TRPC7: variants seen among roughly 807,000 people sequenced by gnomAD.
TRPC7 encodes short transient receptor potential channel 7.
A neutral mutation model predicts 90.1 loss-of-function variants in TRPC7; 42 were observed. The ratio of observed to expected loss-of-function variants is 0.47; its 90% confidence interval spans 0.36 to 0.60. TRPC7 has a LOEUF of 0.60. TRPC7 is among the 20% of genes least tolerant of loss of function. The pLI, the probability that TRPC7 is intolerant of heterozygous loss-of-function variation, is 0.00. For missense variants in TRPC7, 955 were observed against 1,112.3 expected (o/e 0.86, Z 2.01); for synonymous variants, 451 against 436.3 (o/e 1.03, Z -0.42).
At position 136,252,808 on chromosome 5, in the gene TRPC7, C is replaced by T. The variant is rs1376997800; in HGVS notation, c.1346-926G>A. ...AGGAGCTGGAGCTCAGGAAGTAATG[C>T]TGGCTTGCCCACCGCTTACCTCCTG... is the stretch of plus-strand genomic sequence containing the variant. On this transcript the variant is annotated intron_variant, in intron 5 of 11. Transcript: ENST00000513104. Among the ~76,000 whole-genome samples the T allele has an allele frequency of 2.0e-5, 3 of 152,214 alleles. No individual in the cohort carries two copies. The East Asian group carries it at 5.8e-4, about 29-fold the overall frequency.
chr5:136,238,981 T>A (rs758589518), intron 7 of TRPC7, among the ~76,000 whole-genome samples: 2 of 152,098 alleles, frequency 1.3e-5, no homozygotes, highest in African/African-American at 4.8e-5. Context: ...TTTTGACACA[T>A]AAAGGTCATT....
chr5:136,273,084 G>T (rs1317307093), intron 4 of TRPC7, among the ~76,000 whole-genome samples: 1 of 152,212 alleles, frequency 6.6e-6, no homozygotes, highest in Non-Finnish European at 1.5e-5. Flanking sequence ...TAGCTTTGCA[G>T]CAAAAGTGAG....
At position 136,352,012 on chromosome 5, in the gene TRPC7, C is replaced by T. The variant is rs137917063; in HGVS notation, c.780+4596G>A. ...GGATAAATTGCCTGTGACTGAAACA[C>T]CATCGACAGCCTCCGTGCTATTTTG... On this transcript the variant is annotated intron_variant, in intron 2 of 11. Transcript: ENST00000513104. 3.4e-3 allele frequency among the ~76,000 whole-genome samples: 517 copies of T among 152,232 alleles called. 1 individual carries two copies. Among genetic ancestry groups the T allele is most frequent in the African/African-American group, 0.011 (474 of 41,536 alleles).
chr5:136,237,265 G>T (rs989227275), intron 7 of TRPC7, among the ~76,000 whole-genome samples: 1 of 152,152 alleles, frequency 6.6e-6, no homozygotes, highest in African/African-American at 2.4e-5. Flanking sequence ...AGAAGAGTCT[G>T]GGGCCACAGA....
intron 5 of TRPC7, among the ~76,000 whole-genome samples, chr5:136,261,620 G>A (rs1016226751): frequency 3.9e-5 from 6 of 152,168 alleles, no homozygotes; most frequent in South Asian, 2.1e-4. Context: ...ATACTTTGGC[G>A]TCTGGGCCAG....
chr5:136,241,035 C>G (rs1173599685), intron 7 of TRPC7, among the ~76,000 whole-genome samples: 2 of 152,110 alleles, frequency 1.3e-5, no homozygotes, highest in African/African-American at 4.8e-5. Context: ...GATCCTCTCC[C>G]TCAGCTGCAG....
At chr5:136,301,991 C>T (rs1758412723) in intron 3 of TRPC7, among the ~76,000 whole-genome samples, 2 of 152,230 alleles carry the variant, frequency 1.3e-5, no homozygotes, top group South Asian at 4.1e-4. Flanking sequence ...AGTAAGCGGC[C>T]TCTTTTTACT....
intron 2 of TRPC7, among the ~76,000 whole-genome samples, chr5:136,334,944 T>C (rs868776391): frequency 1.3e-5 from 2 of 152,216 alleles, no homozygotes; most frequent in Non-Finnish European, 2.9e-5. Flanking sequence ...TATAGGTCAC[T>C]GTAGCAATTT....
intron 2 of TRPC7, among the ~76,000 whole-genome samples, chr5:136,330,917 T>C (rs1759478501): frequency 6.6e-6 from 1 of 152,136 alleles, no homozygotes; most frequent in Admixed American, 6.5e-5. Flanking sequence ...AAATGAGTCC[T>C]CCAGCCCCAG....
At chr5:136,279,738 T>C (rs949838078) in intron 3 of TRPC7, among the ~76,000 whole-genome samples, 4 of 152,192 alleles carry the variant, frequency 2.6e-5, no homozygotes, top group Non-Finnish European at 4.4e-5. Context: ...CAAGTTTTCT[T>C]GGATTATTTT....
Position 136,279,718 on chromosome 5 carries a change from C to G in TRPC7, c.964-4881G>C, listed in dbSNP as rs138163487. ...TAACCTGAAATCAAAGAAGTGGAAGCTATTTCCAGCAAGTTTTCTTGGATT... is the reference window on the plus strand; with the variant it reads ...TAACCTGAAATCAAAGAAGTGGAAGGTATTTCCAGCAAGTTTTCTTGGATT... On this transcript the variant is annotated intron_variant, in intron 3 of 11. Coordinates refer to ENST00000513104, the MANE Select transcript of TRPC7 (RefSeq NM_020389.3). 2.2e-3 allele frequency among the ~76,000 whole-genome samples: 329 copies of G among 152,334 alleles called. 1 individual carries two copies. Among genetic ancestry groups the G allele is most frequent in the Middle Eastern group, 0.014 (4 of 294 alleles).
chr5:136,273,702 T>C (rs527761573), intron 4 of TRPC7, among the ~76,000 whole-genome samples: 1 of 152,374 alleles, frequency 6.6e-6, no homozygotes, highest in South Asian at 2.1e-4. Context: ...CCTATGGAAC[T>C]AATCTCCCTG....
chr5:136,362,058 A>G (rs1278632141), intron 1 of TRPC7, among the ~76,000 whole-genome samples: 2 of 152,288 alleles, frequency 1.3e-5, no homozygotes, highest in East Asian at 3.9e-4. Context: ...GAATTGTCTC[A>G]CATTTTACTG....
At chr5:136,269,788 T>C (rs1488325272) in intron 4 of TRPC7, among the ~76,000 whole-genome samples, 1 of 152,192 alleles carries the variant, frequency 6.6e-6, no homozygotes, top group Non-Finnish European at 1.5e-5. Context: ...AAACTCTTAT[T>C]CAAAATGTCT....
intron 3 of TRPC7, among the ~76,000 whole-genome samples, chr5:136,315,356 T>C (rs1325402284): frequency 6.6e-6 from 1 of 152,136 alleles, no homozygotes; most frequent in East Asian, 1.9e-4. Flanking sequence ...CAAGGCCTGC[T>C]CAGGAACTGA....
rs767031610 is a variant in TRPC7 at position 136,287,687 on chromosome 5, C to CA, written c.964-12851dup. Among the ~76,000 whole-genome samples the CA allele has an allele frequency of 6.6e-3, 395 of 59,500 alleles. 18 individuals carry two copies. The highest frequency in any genetic ancestry group is 9.0e-3 in the Non-Finnish European group (307 of 34,128). 39.0% of individuals were successfully genotyped at this position (59,500 alleles called of 152,430 possible). On this transcript the variant is annotated intron_variant, in intron 3 of 11. Transcript: ENST00000513104. ...TAGTGTCAGGGACAGAGTGGATGCTCAAAAAAAAAAAAAAAAAAAAAAAAA... is the reference window on the plus strand; with the variant it reads ...TAGTGTCAGGGACAGAGTGGATGCTCAAAAAAAAAAAAAAAAAAAAAAAAAA...
chr5:136,240,266 C>T (rs1756119184), intron 7 of TRPC7, among the ~76,000 whole-genome samples: 1 of 152,160 alleles, frequency 6.6e-6, no homozygotes, highest in Admixed American at 6.5e-5. Flanking sequence ...AGGTAGGGCT[C>T]AGTGCTTCCT....
intron 2 of TRPC7, among the ~76,000 whole-genome samples, chr5:136,344,519 T>C (rs958454611): frequency 1.3e-5 from 2 of 152,124 alleles, no homozygotes; most frequent in Non-Finnish European, 2.9e-5. Flanking sequence ...GTCTAGACAG[T>C]ATAGGAAGTG....
intron 2 of TRPC7, among the ~76,000 whole-genome samples, chr5:136,344,762 T>G (rs1734910129): frequency 6.6e-6 from 1 of 152,128 alleles, no homozygotes; most frequent in Non-Finnish European, 1.5e-5. Flanking sequence ...ATAGGGATGT[T>G]CTTTGCAGCC....
Sources: gnomAD v4.1 joint callset for allele counts (sites outside exome capture counted in the v4.1 genomes callset) on GRCh38, gnomAD v4.1.1 for gene constraint, MANE v1.5 for transcripts, NCBI Gene and HGNC (gene_info 2026-07-23, HGNC 2026-07-21) for gene names.